The following DNMT3B variants were observed in gnomAD, a reference collection of about 807,000 sequenced individuals.
The protein encoded by DNMT3B is DNA methyltransferase 3 beta.
In DNMT3B, 37 loss-of-function variants were observed where a neutral mutation model predicts 120.2. The observed-to-expected ratio is 0.31, with a 90% CI of 0.24 to 0.40. DNMT3B has a LOEUF of 0.40. Ranked by LOEUF, DNMT3B falls within the 10% of genes least tolerant of loss-of-function variation. DNMT3B has a pLI of 1.00. For missense variants in DNMT3B, 878 were observed against 1,137.3 expected (o/e 0.77, Z 3.28); for synonymous variants, 412 against 442.8 (o/e 0.93, Z 0.87).
At chr20:32,764,644 C>G (rs1054583269) in intron 1 of DNMT3B, among the ~76,000 whole-genome samples, 2 of 152,184 alleles carry the variant, frequency 1.3e-5, no homozygotes, top group African/African-American at 4.8e-5. Flanking sequence ...AAAGCCCTCC[C>G]GGCCACGCAT....
chr20:32,795,622 A>G (rs776456860), intron 11 of DNMT3B, 28 bp from the exon 12 acceptor site: 5 of 1,614,028 alleles, frequency 3.1e-6, no homozygotes, highest in African/African-American at 1.3e-5. Context: ...CCCTGACCTC[A>G]TCTCATGCCT....
At chr20:32,766,138 G>C (rs1362953097) in intron 1 of DNMT3B, among the ~76,000 whole-genome samples, 1 of 152,150 alleles carries the variant, frequency 6.6e-6, no homozygotes, top group African/African-American at 2.4e-5. Context: ...AAGGCCAGGA[G>C]TTCAAGACCA....
At position 32,778,401 on chromosome 20, in the gene DNMT3B, C is replaced by G. The variant is rs558281264; in HGVS notation, c.-6-1917C>G. Among the ~76,000 whole-genome samples the G allele has an allele frequency of 2.6e-5, 4 of 151,954 alleles. No homozygotes were observed. The East Asian group carries it at 7.8e-4, about 30-fold the overall frequency. Reference sequence around the variant, plus strand: ...AAATGAAAACCCTGCTTCAGGACATCTAGCTTAGTGGTGGAGATTTCTCCA... The same window carrying G: ...AAATGAAAACCCTGCTTCAGGACATGTAGCTTAGTGGTGGAGATTTCTCCA... On this transcript the variant is annotated intron_variant, in intron 1 of 22. Transcript: ENST00000328111.
At position 32,809,021 on chromosome 20, in the gene DNMT3B, G is replaced by A. The variant is rs562043447; in HGVS notation, c.*1118G>A. On this transcript the variant is annotated 3_prime_UTR_variant, in exon 23 of 23. Transcript: ENST00000328111. The stretch of plus-strand genomic sequence containing the variant: ...ATCCTTTTTTATTCCATAAGAAGTC[G>A]TTTTTAGGGAGAACGGGAATTCAGA... 7.4e-5 allele frequency: 16 copies of A among 216,986 alleles called. No individual in the cohort carries two copies. The highest frequency in any genetic ancestry group is 1.4e-3 in the Middle Eastern group (1 of 706). The allele number at this position is 216,986 out of a possible 1,614,324, so 13.4% of individuals were successfully genotyped here.
Position 32,807,965 on chromosome 20 carries a change from T to G in DNMT3B, c.*62T>G. 6.2e-7 allele frequency: 1 copy of G among 1,613,064 alleles called. No homozygotes were observed. Among genetic ancestry groups the G allele is most frequent in the Non-Finnish European group, 8.5e-7 (1 of 1,179,472 alleles). ...AGAGCCAGGACCCAGGAGGTGTGATTCCTGAAGGCATCCCCAGGCCCTGCT... is the reference window on the plus strand; with the variant it reads ...AGAGCCAGGACCCAGGAGGTGTGATGCCTGAAGGCATCCCCAGGCCCTGCT... On this transcript the variant is annotated 3_prime_UTR_variant, in exon 23 of 23. Transcript: ENST00000328111.
chr20:32,808,260 C>T lies in DNMT3B; in HGVS notation c.*357C>T, dbSNP rs957582734. 3.5e-5 allele frequency: 14 copies of T among 396,410 alleles called. No homozygotes were observed. Among genetic ancestry groups the T allele is most frequent in the Admixed American group, 1.2e-4 (3 of 24,732 alleles). The allele number at this position is 396,410 out of a possible 1,614,324, so 24.6% of individuals were successfully genotyped here. ...GGCTAAGATACCAAAACCACAGTGC[C>T]GACAGCTCTCCAATACTCAGGTTAA... On this transcript the variant is annotated 3_prime_UTR_variant, in exon 23 of 23. Transcript: ENST00000328111.
In DNMT3B at chr20:32,793,564, A is replaced by G. The variant is rs751331541; in HGVS notation, c.1095A>G (p.Ala365=). The G allele has an allele frequency of 5.0e-6, 8 of 1,614,146 alleles. No homozygotes were observed. The African/African-American group carries it at 9.3e-5, about 19-fold the overall frequency. The part of the protein sequence containing the change: ...PVVNKSKVRR[A]GSRKLESRKY... The stretch of plus-strand genomic sequence containing the variant: ...TTAATAAGTCGAAGGTGCGTCGTGC[A>G]GGCAGTAGGAAATTAGAATCAAGGA... Residue 365 remains alanine (A), a synonymous_variant, in exon 10 of 23, where the codon GCA becomes GCG. Transcript: ENST00000328111.
At chr20:32,778,242 A>G (rs1360151111) in intron 1 of DNMT3B, among the ~76,000 whole-genome samples, 1 of 152,162 alleles carries the variant, frequency 6.6e-6, no homozygotes, top group Admixed American at 6.5e-5. Context: ...AGGCTGAGGC[A>G]GGAGAATCGC....
chr20:32,771,800 A>G (rs1987764470), intron 1 of DNMT3B, among the ~76,000 whole-genome samples: 1 of 152,200 alleles, frequency 6.6e-6, no homozygotes, highest in Admixed American at 6.5e-5. Context: ...CCTATCTCAT[A>G]CCATATACAA....
chr20:32,770,075 G>A (rs1018484374), intron 1 of DNMT3B, among the ~76,000 whole-genome samples: 4 of 151,874 alleles, frequency 2.6e-5, no homozygotes, highest in African/African-American at 9.7e-5. Context: ...CAGTAGCTTC[G>A]ACTACAGGCA....
At chr20:32,774,518 T>TTG in intron 1 of DNMT3B, among the ~76,000 whole-genome samples, 1 of 148,738 alleles carries the variant, frequency 6.7e-6, no homozygotes, top group Admixed American at 6.7e-5. Context: ...CTTTTTTTTT[T>TTG]TTTTTTTTTT....
chr20:32,787,354 C>A lies in DNMT3B; in HGVS notation c.557C>A (p.Thr186Asn). 6.2e-7 allele frequency: 1 copy of A among 1,614,222 alleles called. No homozygotes were observed. The highest frequency in any genetic ancestry group is 8.5e-7 in the Non-Finnish European group (1 of 1,180,044). Residue 186 changes from threonine to asparagine, a missense_variant, in exon 6 of 23, where the codon ACC (threonine) becomes AAC (asparagine). By Grantham distance (65) the Thr-to-Asn change is moderately conservative. Transcript: ENST00000328111. ...DTHGTPQSSSTPYARLAQDSQ... is the reference protein window; with the variant it reads ...DTHGTPQSSSNPYARLAQDSQ... ...CATGGGACGCCCCAGAGCAGCAGTA[C>A]CCCCTACGCCCGCCTAGCCCAGGAC...
intron 1 of DNMT3B, among the ~76,000 whole-genome samples, chr20:32,773,521 T>C (rs1471537879): frequency 6.6e-6 from 1 of 152,154 alleles, no homozygotes; most frequent in Non-Finnish European, 1.5e-5. Flanking sequence ...GTGTCATCTA[T>C]GTAGGGGTCC....
intron 22 of DNMT3B, 102 bp from the exon 23 acceptor site, chr20:32,807,660 T>C (rs1279555961): frequency 2.8e-5 from 44 of 1,560,728 alleles, no homozygotes; most frequent in African/African-American, 4.1e-5. Flanking sequence ...CTGATGGGAC[T>C]GAGGGATGGC....
chr20:32,802,307 C>T lies in DNMT3B; in HGVS notation c.2146-78C>T, dbSNP rs547906849. 22 of 1,456,976 alleles carry T rather than the reference C, an allele frequency of 1.5e-5. No homozygotes were observed. The Admixed American group carries it at 3.3e-4, about 22-fold the overall frequency. The allele number at this position is 1,456,976 out of a possible 1,614,324, so 90.3% of individuals were successfully genotyped here. A position where few individuals can be genotyped will look rare whatever the true frequency, so the allele number is the denominator to read the frequency against. On this transcript the variant is annotated intron_variant, in intron 19 of 22. Transcript: ENST00000328111. ...GCCTCATCCATAGTCAGGGAATAGC[C>T]CTGTCACCTGCAAAGGTCTGGTTGA...
chr20:32,807,293 C>T (rs1982077519), intron 22 of DNMT3B, among the ~76,000 whole-genome samples: 1 of 152,124 alleles, frequency 6.6e-6, no homozygotes, highest in South Asian at 2.1e-4. Flanking sequence ...TATTTGATGC[C>T]ATCTGCCTGG....
At chr20:32,794,021 T>A (rs1040723028) in intron 10 of DNMT3B, among the ~76,000 whole-genome samples, 10 of 152,112 alleles carry the variant, frequency 6.6e-5, no homozygotes, top group Admixed American at 5.9e-4. Flanking sequence ...GGAGCCATAT[T>A]ATGTAAAATT....
chr20:32,780,622 C>T (rs935128885), intron 2 of DNMT3B, among the ~76,000 whole-genome samples, 157 bp downstream of exon 2: 25 of 152,124 alleles, frequency 1.6e-4, no homozygotes, highest in African/African-American at 5.1e-4. Context: ...GGGTCGAGCC[C>T]TTCACACCTG....
intron 1 of DNMT3B, among the ~76,000 whole-genome samples, chr20:32,775,375 A>T (rs1051952331): frequency 6.6e-6 from 1 of 152,210 alleles, no homozygotes; most frequent in Non-Finnish European, 1.5e-5. Context: ...TGCTGGTATC[A>T]GCCTGGAGGA....
Sources: gnomAD v4.1 joint callset for allele counts (sites outside exome capture counted in the v4.1 genomes callset) on GRCh38, gnomAD v4.1.1 for gene constraint, MANE v1.5 for transcripts, NCBI Gene and HGNC (gene_info 2026-07-23, HGNC 2026-07-21) for gene names.